PTPRG: variants seen among roughly 807,000 people sequenced by gnomAD.
PTPRG encodes the protein receptor-type tyrosine-protein phosphatase gamma.
A neutral mutation model predicts 165.3 loss-of-function variants in PTPRG; 102 were observed. The observed-to-expected ratio is 0.62, with a 90% CI of 0.53 to 0.73. PTPRG has a LOEUF of 0.73. PTPRG is among the 30% of genes least tolerant of loss of function. The pLI is 0.00. For synonymous variants in PTPRG, 675 were observed against 669.5 expected (o/e 1.01, Z -0.13); for missense variants, 1,866 against 1,861.4 (o/e 1.00, Z -0.05).
chr3:61,807,085 A>G (rs983668729), intron 2 of PTPRG, among the ~76,000 whole-genome samples: 2 of 152,210 alleles, frequency 1.3e-5, no homozygotes, highest in African/African-American at 4.8e-5. Context: ...TGTATTTCGA[A>G]AAAGGGAAAG....
intron 4 of PTPRG, among the ~76,000 whole-genome samples, chr3:62,018,601 T>G (rs2041608073): frequency 2.0e-5 from 3 of 152,190 alleles, no homozygotes; most frequent in Non-Finnish European, 4.4e-5. Context: ...CTTCAAATGG[T>G]AGTCTAAGGA....
At chr3:61,619,974 C>T (rs753980464) in intron 1 of PTPRG, among the ~76,000 whole-genome samples, 1 of 152,150 alleles carries the variant, frequency 6.6e-6, no homozygotes, top group African/African-American at 2.4e-5. Flanking sequence ...TTGTGTTACT[C>T]CTTCACGCTG....
At position 62,249,788 on chromosome 3, in the gene PTPRG, C is replaced by T. The variant is rs145906076; in HGVS notation, c.2468-5336C>T. On this transcript the variant is annotated intron_variant, in intron 15 of 29. Transcript: ENST00000474889. Reference sequence around the variant, plus strand: ...TTTCCAAGTAACTGAAGCCTACCCTCAAAGCCAAAGAATATCATTTCAATC... The same window carrying T: ...TTTCCAAGTAACTGAAGCCTACCCTTAAAGCCAAAGAATATCATTTCAATC... Among the ~76,000 whole-genome samples the T allele has an allele frequency of 7.8e-3, 1,193 of 152,292 alleles. 7 individuals carry two copies. Among genetic ancestry groups the T allele is most frequent in the Admixed American group, 0.011 (170 of 15,306 alleles).
intron 2 of PTPRG, among the ~76,000 whole-genome samples, chr3:61,942,298 A>T (rs2039650827): frequency 6.6e-6 from 1 of 152,182 alleles, no homozygotes; most frequent in African/African-American, 2.4e-5. Flanking sequence ...TCTAACTCAG[A>T]GGCAGTTTCT....
chr3:62,189,052 G>A (rs1157955877), intron 8 of PTPRG, among the ~76,000 whole-genome samples: 3 of 152,002 alleles, frequency 2.0e-5, no homozygotes, highest in African/African-American at 7.2e-5. Flanking sequence ...CTGTCACTCC[G>A]CCCTCATGTC....
intron 2 of PTPRG, among the ~76,000 whole-genome samples, chr3:61,935,326 C>T (rs889136035): frequency 5.9e-5 from 9 of 152,178 alleles, no homozygotes; most frequent in South Asian, 2.1e-4. Flanking sequence ...CGTCCTGCTT[C>T]GTGTGCTTTT....
chr3:62,184,838 CTT>C (rs1291395228), intron 8 of PTPRG, among the ~76,000 whole-genome samples: 1 of 152,208 alleles, frequency 6.6e-6, no homozygotes, highest in Non-Finnish European at 1.5e-5. Context: ...AGTACTGTCT[CTT>C]TGACTCCTGA....
At chr3:62,085,012 AT>A (rs1701701466) in intron 5 of PTPRG, among the ~76,000 whole-genome samples, 1 of 152,184 alleles carries the variant, frequency 6.6e-6, no homozygotes, top group Non-Finnish European at 1.5e-5. Context: ...AAAAATAGGC[AT>A]TAGGGGGTAG....
At chr3:61,633,579 A>AT (rs1334414934) in intron 1 of PTPRG, among the ~76,000 whole-genome samples, 4 of 152,174 alleles carry the variant, frequency 2.6e-5, no homozygotes, top group Admixed American at 1.3e-4. Flanking sequence ...CTCTGATAGT[A>AT]TTTTTTGTGG....
intron 2 of PTPRG, among the ~76,000 whole-genome samples, chr3:61,797,414 C>T (rs2035081478): frequency 6.6e-6 from 1 of 152,050 alleles, no homozygotes; most frequent in South Asian, 2.1e-4. Context: ...CCGCATTGGT[C>T]TTAGGTGTAT....
In PTPRG at chr3:61,748,921, C is replaced by A. The variant is rs112845451; in HGVS notation, c.129C>A (p.His43Gln). 3 of 1,613,126 alleles carry A rather than the reference C, an allele frequency of 1.9e-6. No individual in the cohort carries two copies. Among genetic ancestry groups the A allele is most frequent in the Non-Finnish European group, 2.5e-6 (3 of 1,179,704 alleles). The change falls in exon 2 of 30, where the codon CAC (histidine) becomes CAA (glutamine). Residue 43 changes from histidine (H) to glutamine (Q), a missense_variant. Coordinates refer to ENST00000474889, the MANE Select transcript of PTPRG (RefSeq NM_002841.4). Reference sequence around the variant, plus strand: ...TTGGGGCCCTGCACGAGAATAGACACGGCAGCGCAGTGCAGATCCGCAGGC... The same window carrying A: ...TTGGGGCCCTGCACGAGAATAGACAAGGCAGCGCAGTGCAGATCCGCAGGC... The part of the protein sequence containing the change: ...GYVGALHENR[H>Q]GSAVQIRRRK...
intron 28 of PTPRG, among the ~76,000 whole-genome samples, chr3:62,290,008 G>A (rs780107618): frequency 3.3e-5 from 5 of 151,996 alleles, no homozygotes; most frequent in Non-Finnish European, 7.4e-5. Context: ...AACTTAAGCA[G>A]GGTTCTTCTG....
rs1165812326 is a variant in PTPRG at position 62,249,800 on chromosome 3, A to G, written c.2468-5324A>G. Among the ~76,000 whole-genome samples, 4 of 152,190 alleles carry G rather than the reference A, an allele frequency of 2.6e-5. No homozygotes were observed. The East Asian group carries it at 7.7e-4, about 29-fold the overall frequency. On this transcript the variant is annotated intron_variant, in intron 15 of 29. Coordinates refer to ENST00000474889, the MANE Select transcript of PTPRG (RefSeq NM_002841.4). Reference sequence around the variant, plus strand: ...TGAAGCCTACCCTCAAAGCCAAAGAATATCATTTCAATCCTTTTTGCTGAA... The same window carrying G: ...TGAAGCCTACCCTCAAAGCCAAAGAGTATCATTTCAATCCTTTTTGCTGAA...
chr3:62,220,171 A>G (rs1700617124), intron 13 of PTPRG, among the ~76,000 whole-genome samples: 1 of 152,250 alleles, frequency 6.6e-6, no homozygotes, highest in South Asian at 2.1e-4. Context: ...GACAGGGGTA[A>G]GGTGGCAGAA....
intron 1 of PTPRG, among the ~76,000 whole-genome samples, chr3:61,589,695 G>A (rs74459042): frequency 0.048 from 7,263 of 152,176 alleles, 537 homozygotes; most frequent in African/African-American, 0.16. Flanking sequence ...GGCCTTGTCC[G>A]TTGCTGTATG....
chr3:61,578,067 G>A (rs1700205281), intron 1 of PTPRG, among the ~76,000 whole-genome samples: 2 of 152,196 alleles, frequency 1.3e-5, no homozygotes, highest in African/African-American at 2.4e-5. Context: ...AAAAGCCGTT[G>A]TTATTATTTT....
chr3:61,755,330 A>G (rs2033599968), intron 2 of PTPRG, among the ~76,000 whole-genome samples: 1 of 152,128 alleles, frequency 6.6e-6, no homozygotes, highest in Non-Finnish European at 1.5e-5. Flanking sequence ...TTCTGATCGG[A>G]AGGAACCACA....
chr3:61,651,082 T>TAGA (rs1302102479), intron 1 of PTPRG, among the ~76,000 whole-genome samples: 2 of 152,138 alleles, frequency 1.3e-5, no homozygotes, highest in Non-Finnish European at 2.9e-5. Flanking sequence ...CCTACACTTC[T>TAGA]AGAACCCTGT....
rs191595376 is a variant in PTPRG, at chr3:62,276,019, G to T, written c.3559+53G>T. On this transcript the variant is annotated intron_variant, in intron 24 of 29. Transcript: ENST00000474889. ...ATCTTTTATACTGGATTGTATGTTA[G>T]GTACAGAGGCAGCCACTACTCTGAT... is the stretch of plus-strand genomic sequence containing the variant. 1,042 of 1,355,444 alleles carry T rather than the reference G, an allele frequency of 7.7e-4. 7 individuals are homozygous for T. The African/African-American group carries it at 0.013, about 17-fold the overall frequency. 84.0% of individuals were successfully genotyped at this position (1,355,444 alleles called of 1,614,324 possible).
Sources: gnomAD v4.1 joint callset for allele counts (sites outside exome capture counted in the v4.1 genomes callset) on GRCh38, gnomAD v4.1.1 for gene constraint, MANE v1.5 for transcripts, NCBI Gene and HGNC (gene_info 2026-07-23, HGNC 2026-07-21) for gene names.